The following MTUS2 variants were observed in gnomAD, a reference collection of about 807,000 sequenced individuals.
MTUS2 encodes the protein microtubule associated scaffold protein 2, also known as microtubule-associated tumor suppressor candidate 2.
Under a neutral mutation model 114.1 loss-of-function variants are expected in MTUS2, and 40 were observed. The observed-to-expected ratio is 0.35, with a 90% CI of 0.27 to 0.46. The LOEUF (loss-of-function observed/expected upper bound fraction) is 0.46. MTUS2 is among the 20% of genes least tolerant of loss of function. MTUS2 has a pLI of 1.00. For missense variants in MTUS2, 1,679 were observed against 1,705.4 expected (o/e 0.98, Z 0.27); for synonymous variants, 688 against 672.0 (o/e 1.02, Z -0.37).
At chr13:29,437,802 G>T (rs1006492460) in intron 8 of MTUS2, among the ~76,000 whole-genome samples, 9 of 152,088 alleles carry the variant, frequency 5.9e-5, no homozygotes, top group Admixed American at 3.9e-4. Flanking sequence ...CAGAAAATTA[G>T]CTGGGCATGG....
chr13:29,137,300 G>A (rs1892019839), intron 5 of MTUS2, among the ~76,000 whole-genome samples: 2 of 152,156 alleles, frequency 1.3e-5, no homozygotes, highest in Admixed American at 1.3e-4. Flanking sequence ...TTAACAGTTT[G>A]ATTATACTGT....
At chr13:28,974,612 T>C (rs1366075710) in intron 2 of MTUS2, among the ~76,000 whole-genome samples, 1 of 152,220 alleles carries the variant, frequency 6.6e-6, no homozygotes, top group Non-Finnish European at 1.5e-5. Flanking sequence ...TGTTATATAA[T>C]AGGTTCATAA....
chr13:29,256,334 G>T (rs1897282334), intron 5 of MTUS2, among the ~76,000 whole-genome samples: 1 of 152,186 alleles, frequency 6.6e-6, no homozygotes, highest in South Asian at 2.1e-4. Context: ...TCTCATCCTG[G>T]GCTGGCTTAT....
At chr13:29,198,165 T>A (rs1267364405) in intron 5 of MTUS2, among the ~76,000 whole-genome samples, 2 of 152,214 alleles carry the variant, frequency 1.3e-5, no homozygotes, top group Non-Finnish European at 2.9e-5. Flanking sequence ...CTGAATGGTA[T>A]TGCCTAGGTT....
At chr13:29,061,036 A>G (rs1888394857) in intron 4 of MTUS2, among the ~76,000 whole-genome samples, 2 of 152,092 alleles carry the variant, frequency 1.3e-5, no homozygotes, top group Admixed American at 1.3e-4. Flanking sequence ...CCTGACCTCC[A>G]GTGATCAGCC....
intron 7 of MTUS2, among the ~76,000 whole-genome samples, chr13:29,329,504 GTA>G (rs1900674408): frequency 6.6e-6 from 1 of 151,992 alleles, no homozygotes; most frequent in Non-Finnish European, 1.5e-5. Context: ...ATTCCATGGT[GTA>G]TATGTCTCAC....
chr13:28,992,724 T>G (rs563001543), intron 2 of MTUS2, among the ~76,000 whole-genome samples: 2 of 152,226 alleles, frequency 1.3e-5, no homozygotes, highest in Non-Finnish European at 2.9e-5. Context: ...ATTTAAAATT[T>G]TCTTTTTATT....
At chr13:29,346,028 G>A (rs1387588698) in intron 7 of MTUS2, among the ~76,000 whole-genome samples, 33 of 152,202 alleles carry the variant, frequency 2.2e-4, no homozygotes, top group Non-Finnish European at 5.9e-5. Flanking sequence ...TCTGTCAGCC[G>A]TGAGTAACGA....
chr13:29,430,315 C>T (rs1876894913), intron 8 of MTUS2, among the ~76,000 whole-genome samples: 1 of 152,106 alleles, frequency 6.6e-6, no homozygotes, highest in African/African-American at 2.4e-5. Flanking sequence ...GTCTGTTTCC[C>T]TATTTTGTTT....
chr13:29,204,733 C>T (rs1217909433), intron 5 of MTUS2, among the ~76,000 whole-genome samples: 3 of 152,178 alleles, frequency 2.0e-5, no homozygotes, highest in Non-Finnish European at 4.4e-5. Context: ...GGAACGTTCC[C>T]TTAGAAATTC....
intron 9 of MTUS2, among the ~76,000 whole-genome samples, chr13:29,454,021 T>C (rs567179947): frequency 6.6e-6 from 1 of 152,384 alleles, no homozygotes; most frequent in African/African-American, 2.4e-5. Flanking sequence ...TTTGAACAAA[T>C]ATATAAACTG....
At chr13:28,980,055 A>G (rs1884289191) in intron 2 of MTUS2, among the ~76,000 whole-genome samples, 17 of 152,180 alleles carry the variant, frequency 1.1e-4, no homozygotes, top group Admixed American at 1.1e-3. Context: ...GGCCAACTAC[A>G]TGATGCGTTT....
intron 2 of MTUS2, among the ~76,000 whole-genome samples, chr13:28,903,517 G>T (rs2137970249): frequency 6.7e-6 from 1 of 149,132 alleles, no homozygotes; most frequent in South Asian, 2.1e-4. Flanking sequence ...TGCTGTGTTT[G>T]GTTTTTTGTG....
At chr13:29,489,549 G>T (rs1245481635) in intron 11 of MTUS2, 1 of 152,192 alleles carries the variant, frequency 6.6e-6, no homozygotes, top group Non-Finnish European at 1.5e-5. Flanking sequence ...CACACTGAGA[G>T]TACTGGTCTC....
chr13:29,147,181 C>T lies in MTUS2; in HGVS notation c.2644+46211C>T, dbSNP rs374363670. Among the ~76,000 whole-genome samples, 5 of 152,152 alleles carry T rather than the reference C, an allele frequency of 3.3e-5. 1 individual carries two copies. In the East Asian group the frequency reaches 9.7e-4, roughly 29 times the overall value. On this transcript the variant is annotated intron_variant, in intron 5 of 15. Transcript: ENST00000612955. ...AGGAAAGGAGATAACGTTCATTTGC[C>T]AAGGCTATGATATGAATGAGGTTAA... is the stretch of plus-strand genomic sequence containing the variant.
At chr13:29,174,411 A>T (rs1325949384) in intron 5 of MTUS2, among the ~76,000 whole-genome samples, 1 of 152,200 alleles carries the variant, frequency 6.6e-6, no homozygotes, top group Non-Finnish European at 1.5e-5. Flanking sequence ...CCAGTGAGCC[A>T]TCAGAACCAG....
chr13:29,443,953 A>G (rs1296604942), intron 9 of MTUS2, among the ~76,000 whole-genome samples: 1 of 152,246 alleles, frequency 6.6e-6, no homozygotes, highest in Non-Finnish European at 1.5e-5. Context: ...GAAAGTCAGA[A>G]TAGTTAGATG....
At chr13:29,345,281 C>A (rs1292832578) in intron 7 of MTUS2, among the ~76,000 whole-genome samples, 1 of 152,060 alleles carries the variant, frequency 6.6e-6, no homozygotes, top group Admixed American at 6.6e-5. Context: ...TTTCCTTTCT[C>A]AGAAACACCA....
intron 8 of MTUS2, among the ~76,000 whole-genome samples, chr13:29,375,163 A>G (rs1442735820): frequency 6.6e-6 from 1 of 152,098 alleles, no homozygotes; most frequent in Non-Finnish European, 1.5e-5. Context: ...GGTGGAAATG[A>G]CAGAGAAAAA....
Sources: gnomAD v4.1 joint callset for allele counts (sites outside exome capture counted in the v4.1 genomes callset) on GRCh38, gnomAD v4.1.1 for gene constraint, MANE v1.5 for transcripts, NCBI Gene and HGNC (gene_info 2026-07-23, HGNC 2026-07-21) for gene names.